Variants in POLDIP3 observed in about 807,000 individuals in gnomAD.
The protein encoded by POLDIP3 is polymerase delta-interacting protein 3.
POLDIP3 carries 14 observed loss-of-function variants against 45.1 expected under a neutral mutation model. The observed-to-expected ratio is 0.31, with a 90% CI of 0.20 to 0.49. The LOEUF (loss-of-function observed/expected upper bound fraction) is 0.49, where lower values mean the gene tolerates loss of function less well. Ranked by LOEUF, POLDIP3 falls within the 20% of genes least tolerant of loss-of-function variation. POLDIP3 has a pLI of 0.99. For synonymous variants in POLDIP3, 223 were observed against 205.2 expected, an observed-to-expected ratio of 1.09 and a Z score of -0.74; for missense variants, 511 against 538.8, an observed-to-expected ratio of 0.95 and a Z score of 0.51.
In POLDIP3 at chr22:42,584,884, T is replaced by C. The variant is rs974506701; in HGVS notation, c.*907A>G. 9 of 456,082 alleles carry C rather than the reference T, an allele frequency of 2.0e-5. No homozygotes were observed. Among genetic ancestry groups the C allele is most frequent in the African/African-American group, 1.8e-4 (9 of 50,048 alleles). 28.3% of individuals were successfully genotyped at this position (456,082 alleles called of 1,614,324 possible). A position where few individuals can be genotyped will look rare whatever the true frequency, so the allele number is the denominator to read the frequency against. On this transcript the variant is annotated 3_prime_UTR_variant, in exon 9 of 9. Coordinates refer to ENST00000252115, the MANE Select transcript of POLDIP3 (RefSeq NM_032311.5). ...GCCAGGAACAAACTGACCTCTTCCA[T>C]TCAAATAAGCTCCAAACCCAAGCAC... is the stretch of plus-strand genomic sequence containing the variant.
intron 3 of POLDIP3, 142 bp from the exon 4 acceptor site, chr22:42,599,935 A>AAAG (rs2146818871): frequency 1.6e-6 from 1 of 619,684 alleles, no homozygotes; most frequent in Admixed American, 3.1e-5. Flanking sequence ...CGGTGCCTGG[A>AAAG]AAGACTGGGG....
intron 7 of POLDIP3, among the ~76,000 whole-genome samples, chr22:42,590,889 T>C (rs1252235900): frequency 6.6e-6 from 1 of 152,018 alleles, no homozygotes; most frequent in Non-Finnish European, 1.5e-5. Context: ...CCGGCCAACA[T>C]GGTGAAACCC....
At chr22:42,614,186 T>C (rs1247511301) in intron 1 of POLDIP3, among the ~76,000 whole-genome samples, 1 of 152,024 alleles carries the variant, frequency 6.6e-6, no homozygotes, top group African/African-American at 2.4e-5. Flanking sequence ...AGCCTCAAGT[T>C]CCCCATCAGT....
chr22:42,588,516 G>T (rs1387294500), intron 7 of POLDIP3, among the ~76,000 whole-genome samples: 5 of 149,098 alleles, frequency 3.4e-5, no homozygotes, highest in Non-Finnish European at 7.4e-5. Context: ...TATTAAATAT[G>T]AATGGATTAA....
intron 1 of POLDIP3, among the ~76,000 whole-genome samples, chr22:42,610,555 G>A (rs766090596): frequency 4.3e-4 from 66 of 152,268 alleles, no homozygotes; most frequent in African/African-American, 1.5e-3. Context: ...TAAACTCATC[G>A]AACTAACAAA....
At chr22:42,589,230 G>A (rs1291833590) in intron 7 of POLDIP3, among the ~76,000 whole-genome samples, 18 of 145,108 alleles carry the variant, frequency 1.2e-4, no homozygotes, top group African/African-American at 3.3e-4. Context: ...GCGACAGAGC[G>A]AGACTCCGTC....
intron 1 of POLDIP3, among the ~76,000 whole-genome samples, chr22:42,608,575 C>T (rs759429880): frequency 5.3e-5 from 8 of 151,956 alleles, no homozygotes; most frequent in Admixed American, 1.3e-4. Flanking sequence ...ATAAACAGTC[C>T]GCAGGCTGAA....
In POLDIP3 at chr22:42,608,731, A is replaced by ATGCTTTGTGCTGGCATTTTT. The variant is rs1926934325; in HGVS notation, c.60-5591_60-5572dup. Among the ~76,000 whole-genome samples, 3 of 152,232 alleles carry ATGCTTTGTGCTGGCATTTTT rather than the reference A, an allele frequency of 2.0e-5. No homozygotes were observed. In the East Asian group the frequency reaches 5.8e-4, roughly 29 times the overall value. On this transcript the variant is annotated intron_variant, in intron 1 of 8. Transcript: ENST00000252115. ...CTGCCTGGCAGGAAGGACCACCAAG[A>ATGCTTTGTGCTGGCATTTTT]TGCTTTGTGCTGGCATTTTTATCTA...
Position 42,585,369 on chromosome 22 carries a change from C to A in POLDIP3, c.*422G>T. 1 of 416,342 alleles carries A rather than the reference C, an allele frequency of 2.4e-6. No homozygotes were observed. The allele number at this position is 416,342 out of a possible 1,614,324, so 25.8% of individuals were successfully genotyped here. On this transcript the variant is annotated 3_prime_UTR_variant, in exon 9 of 9. Transcript: ENST00000252115. ...TCCATCCCCTCCATTGTTTGAAAAGCTTAATACACACAAAGGAAAGGCAGC... is the reference window on the plus strand; with the variant it reads ...TCCATCCCCTCCATTGTTTGAAAAGATTAATACACACAAAGGAAAGGCAGC...
At chr22:42,612,845 A>G (rs890175435) in intron 1 of POLDIP3, among the ~76,000 whole-genome samples, 1 of 152,130 alleles carries the variant, frequency 6.6e-6, no homozygotes, top group African/African-American at 2.4e-5. Flanking sequence ...AACAAAAAAA[A>G]CCCTTCTCAC....
At chr22:42,594,408 G>A (rs982525083) in intron 6 of POLDIP3, among the ~76,000 whole-genome samples, 1 of 152,208 alleles carries the variant, frequency 6.6e-6, no homozygotes, top group African/African-American at 2.4e-5. Context: ...CTACTCGGGA[G>A]GCTGAGGCAG....
Position 42,596,254 on chromosome 22 carries a change from C to T in POLDIP3, c.745G>A (p.Ala249Thr), listed in dbSNP as rs1216249244. ...AGTGTCCGGGACATGTTGGTCAAGG[C>T]TTTTGTTCGAATAGAGGAAGGGAGA... ...PALPSSIRTK[A>T]LTNMSRTLVN... is the part of the protein sequence containing the mutation. Residue 249 changes from alanine to threonine, a missense_variant, in exon 5 of 9, where the codon GCC becomes ACC. Transcript: ENST00000252115. The T allele has an allele frequency of 6.2e-7, 1 of 1,614,188 alleles. No homozygotes were observed. The highest frequency in any genetic ancestry group is 1.7e-5 in the Admixed American group (1 of 60,014).
chr22:42,584,951 G>C lies in POLDIP3; in HGVS notation c.*840C>G. On this transcript the variant is annotated 3_prime_UTR_variant, in exon 9 of 9. Transcript: ENST00000252115. The stretch of plus-strand genomic sequence containing the variant: ...GAGCCTTTCAAAGGCCCAACCAGAA[G>C]AGAGCTGGCGGCTACACAAAACCAG... 2.2e-6 allele frequency: 1 copy of C among 456,326 alleles called. No homozygotes were observed. The highest frequency in any genetic ancestry group is 1.5e-5 in the South Asian group (1 of 64,574). The allele number at this position is 456,326 out of a possible 1,614,324, so 28.3% of individuals were successfully genotyped here.
At position 42,591,826 on chromosome 22, in the gene POLDIP3, T is replaced by TC. The variant is rs1925682992; in HGVS notation, c.1021+128dup. 4.0e-6 allele frequency: 5 copies of TC among 1,236,278 alleles called. No homozygotes were observed. The South Asian group carries it at 7.0e-5, about 17-fold the overall frequency. 76.6% of individuals were successfully genotyped at this position (1,236,278 alleles called of 1,614,324 possible). A position where few individuals can be genotyped will look rare whatever the true frequency, so the allele number is the denominator to read the frequency against. On this transcript the variant is annotated intron_variant, in intron 7 of 8. Transcript: ENST00000252115. The stretch of plus-strand genomic sequence containing the variant: ...GACTACTCAGAGACTGCACGGCAGT[T>TC]CCTGGTGCAGACGAGGCCCCAGAGA...
intron 8 of POLDIP3, among the ~76,000 whole-genome samples, chr22:42,586,338 G>A (rs1020649313): frequency 7.7e-6 from 1 of 129,762 alleles, no homozygotes; most frequent in Non-Finnish European, 1.5e-5. Flanking sequence ...GGGTTTTGTG[G>A]GGTTTTTTTG....
chr22:42,586,616 C>G (rs1253425262), intron 8 of POLDIP3, among the ~76,000 whole-genome samples: 4 of 152,148 alleles, frequency 2.6e-5, no homozygotes, highest in Non-Finnish European at 4.4e-5. Context: ...CCCAGTAGTT[C>G]CCAAACTTAT....
chr22:42,595,356 G>A (rs1925920424), intron 6 of POLDIP3, among the ~76,000 whole-genome samples, 181 bp downstream of exon 6: 1 of 152,186 alleles, frequency 6.6e-6, no homozygotes, highest in Admixed American at 6.5e-5. Context: ...GTTTCCCCCC[G>A]ACTTCACCCC....
intron 5 of POLDIP3, 70 bp from the exon 6 acceptor site, chr22:42,595,684 C>A: frequency 7.0e-7 from 1 of 1,424,436 alleles, no homozygotes; most frequent in Non-Finnish European, 9.9e-7. Context: ...GAAATTCCTC[C>A]AGGCACGTGA....
At chr22:42,594,921 T>C (rs995479742) in intron 6 of POLDIP3, among the ~76,000 whole-genome samples, 1 of 152,232 alleles carries the variant, frequency 6.6e-6, no homozygotes, top group African/African-American at 2.4e-5. Flanking sequence ...TAGGACCCAT[T>C]ATAGCATAGA....
Sources: allele counts gnomAD v4.1 joint callset (sites outside exome capture counted in the v4.1 genomes callset), GRCh38; gene constraint gnomAD v4.1.1; transcripts MANE v1.5; gene names NCBI Gene and HGNC (gene_info 2026-07-23, HGNC 2026-07-21).